Variants in TLN1 observed in about 807,000 individuals in gnomAD.
The protein encoded by TLN1 is talin-1.
Under a neutral mutation model 292.3 loss-of-function variants are expected in TLN1, and 56 were observed. The observed-to-expected ratio is 0.19, with a 90% CI of 0.15 to 0.24. The LOEUF is 0.24. Among genes scored for constraint, TLN1 ranks in the 10% least tolerant of loss-of-function variants. TLN1 has a pLI of 1.00. For missense variants in TLN1, 2,433 were observed against 3,248.2 expected, an observed-to-expected ratio of 0.75 and a Z score of 6.10; for synonymous variants, 1,119 against 1,253.7, an observed-to-expected ratio of 0.89 and a Z score of 2.27.
chr9:35,710,756 T>A, intron 32 of TLN1, 41 bp downstream of exon 32: 2 of 1,613,838 alleles, frequency 1.2e-6, no homozygotes, highest in Non-Finnish European at 1.7e-6. Flanking sequence ...GTTAGCTCCA[T>A]CCTACTGCCC....
In TLN1 at chr9:35,715,143, C is replaced by T; in HGVS notation, c.2670G>A (p.Leu890=). The part of the protein sequence containing the change: ...HPDSEEQQQR[L]REAAEGLRMA... ...TGCGCAGCCCCTCAGCTGCCTCCCG[C>T]AGCCGCTGCTGCTGCTCCTCACTGT... is the stretch of plus-strand genomic sequence containing the variant. Residue 890 remains leucine, a synonymous_variant, in exon 21 of 57, where the codon CTG becomes CTA. Coordinates refer to ENST00000314888, the MANE Select transcript of TLN1 (RefSeq NM_006289.4). The T allele has an allele frequency of 6.2e-7, 1 of 1,613,038 alleles. No homozygotes were observed. The highest frequency in any genetic ancestry group is 8.5e-7 in the Non-Finnish European group (1 of 1,180,038).
Position 35,720,097 on chromosome 9 carries a change from G to C in TLN1, c.1406C>G (p.Pro469Arg). 6.2e-7 allele frequency: 1 copy of C among 1,610,826 alleles called. No homozygotes were observed. The highest frequency in any genetic ancestry group is 8.5e-7 in the Non-Finnish European group (1 of 1,178,476). Residue 469 changes from proline to arginine, a missense_variant, in exon 13 of 57, where the codon CCC becomes CGC. Pro to Arg is a moderately radical substitution (Grantham distance 103). Around this residue, in one of 7 missense-constraint regions of TLN1, gnomAD observed 617 missense variants for 770.6 expected, o/e 0.80. Transcript: ENST00000314888. ...GPENFQVGSM[P>R]PAQQQITSGQ... ...GCTGGTAATCTGCTGCTGGGCAGGG[G>C]GCATGCTGCCCACCTGGAAATTCTC...
At position 35,717,099 on chromosome 9, in the gene TLN1, G is replaced by C. The variant is rs774093666; in HGVS notation, c.2458+47C>G. On this transcript the variant is annotated intron_variant, in intron 19 of 56. Transcript: ENST00000314888. This position sits in a 1 kb window ranked among gnomAD's most constrained non-coding sequence, Gnocchi z 4.7. The stretch of plus-strand genomic sequence containing the variant: ...AAGGGGATGATGTCCAGTGGGCTTA[G>C]GGAACCCTGGTAGGGTTTTTTGTTT... 5 of 1,550,784 alleles carry C rather than the reference G, an allele frequency of 3.2e-6. No homozygotes were observed. The highest frequency in any genetic ancestry group is 1.8e-5 in the Admixed American group (1 of 54,178).
intron 27 of TLN1, 64 bp from the exon 28 acceptor site, chr9:35,712,188 C>A: frequency 2.6e-6 from 4 of 1,551,944 alleles, no homozygotes; most frequent in Non-Finnish European, 3.5e-6. Flanking sequence ...CCTCCATTCA[C>A]GCGACATGGG....
At position 35,706,031 on chromosome 9, in the gene TLN1, G is replaced by A. The variant is rs78358773; in HGVS notation, c.5442C>T (p.Leu1814=). ...TEAVEDLTTT[L]NEAASAAGVV... ...CCCCAGCAGCACTGGCTGCCTCGTT[G>A]AGGGTTGTTGTCAGGTCCTCTACGG... The change falls in exon 41 of 57, where the codon CTC becomes CTT. Residue 1814 remains leucine (L), a synonymous_variant. Transcript: ENST00000314888. This position sits in a 1 kb window ranked among gnomAD's most constrained non-coding sequence, Gnocchi z 4.2. 2.0e-5 allele frequency: 32 copies of A among 1,614,120 alleles called. 1 individual carries two copies. The East Asian group carries it at 6.7e-4, about 34-fold the overall frequency.
In TLN1 at chr9:35,698,695, G is replaced by A; in HGVS notation, c.7126-16C>T. On this transcript the variant is annotated splice_polypyrimidine_tract_variant and intron_variant, in intron 53 of 56. Transcript: ENST00000314888. This position sits in a 1 kb window ranked among gnomAD's most constrained non-coding sequence, Gnocchi z 5.3. ...TGGCACCCACCTGTAGGAAGGAGAA[G>A]AGCCTACTTAGACCTGCATTTTCCT... The A allele has an allele frequency of 1.2e-6, 2 of 1,614,114 alleles. No individual in the cohort carries two copies. The highest frequency in any genetic ancestry group is 1.7e-6 in the Non-Finnish European group (2 of 1,180,016).
At position 35,719,584 on chromosome 9, in the gene TLN1, T is replaced by C; in HGVS notation, c.1622A>G (p.His541Arg). The C allele has an allele frequency of 6.2e-7, 1 of 1,614,202 alleles. No individual in the cohort carries two copies. The highest frequency in any genetic ancestry group is 8.5e-7 in the Non-Finnish European group (1 of 1,180,036). ...WRKNKMDESKHEIHSQVDAIT... is the reference protein window; with the variant it reads ...WRKNKMDESKREIHSQVDAIT... ...GGCATCTACCTGAGAGTGGATCTCA[T>C]GCTTTGATTCATCCATCTTGTTTTT... Residue 541 changes from histidine (H) to arginine (R), a missense_variant, in exon 15 of 57, where the codon CAT becomes CGT. By Grantham distance (29) the His-to-Arg change is conservative. This residue lies in a region of TLN1 where 617 missense variants were observed against 770.6 expected (regional missense o/e 0.80). Transcript: ENST00000314888. This position sits in a 1 kb window ranked among gnomAD's most constrained non-coding sequence, Gnocchi z 4.6.
At chr9:35,709,481 T>C (rs934260904) in intron 33 of TLN1, among the ~76,000 whole-genome samples, 3 of 152,174 alleles carry the variant, frequency 2.0e-5, no homozygotes, top group African/African-American at 7.2e-5. Flanking sequence ...ATTCATATAC[T>C]AAAGCAAAAT....
At chr9:35,720,628 T>TC in intron 11 of TLN1, 119 bp from the exon 12 acceptor site, 1 of 1,132,312 alleles carries the variant, frequency 8.8e-7, no homozygotes, top group Non-Finnish European at 1.3e-6. Flanking sequence ...CATTTCTTTT[T>TC]CTTTTTTTTT....
chr9:35,711,543 C>T, intron 29 of TLN1, 52 bp downstream of exon 29: 1 of 1,611,806 alleles, frequency 6.2e-7, no homozygotes, highest in Non-Finnish European at 8.5e-7. Flanking sequence ...CAACTGCCTC[C>T]TATCTAACCC....
chr9:35,717,707 C>A lies in TLN1; in HGVS notation c.2075G>T (p.Arg692Leu). The A allele has an allele frequency of 1.2e-6, 2 of 1,614,052 alleles. No homozygotes were observed. Among genetic ancestry groups the A allele is most frequent in the Non-Finnish European group, 1.7e-6 (2 of 1,179,976 alleles). Residue 692 changes from arginine (R) to leucine (L), a missense_variant, in exon 18 of 57, where the codon CGG becomes CTG. Transcript: ENST00000314888. The surrounding 1 kb of genome is among the most constrained non-coding windows in gnomAD (Gnocchi z 4.7). ...LVLKAKSVAQ[R>L]TEDSGLQTQV... ...GGTCTGAAGTCCCGAGTCCTCTGTC[C>A]GCTGGGCCACACTCTTGGCCTTGAG...
In TLN1 at chr9:35,722,851, C is replaced by T; in HGVS notation, c.843+10G>A. ...GGTCATCCCAAATACTTTCCCCTAC[C>T]CACATTCACCTGGAAGATCTTACGC... On this transcript the variant is annotated intron_variant, in intron 8 of 56. Transcript: ENST00000314888. The T allele has an allele frequency of 1.2e-6, 2 of 1,613,604 alleles. No individual in the cohort carries two copies. Among genetic ancestry groups the T allele is most frequent in the Non-Finnish European group, 1.7e-6 (2 of 1,179,650 alleles).
rs1825845281 is a variant in TLN1, at chr9:35,719,546, T to A, written c.1660A>T (p.Thr554Ser). The change falls in exon 15 of 57, where the codon ACT becomes TCT. Residue 554 changes from threonine to serine, a missense_variant. By Grantham distance (58) the Thr-to-Ser change is moderately conservative. This residue lies in a region of TLN1 where 617 missense variants were observed against 770.6 expected (regional missense o/e 0.80). Coordinates refer to ENST00000314888, the MANE Select transcript of TLN1 (RefSeq NM_006289.4). This position sits in a 1 kb window ranked among gnomAD's most constrained non-coding sequence, Gnocchi z 4.6. Reference sequence around the variant, plus strand: ...GCTGTCAGGTTCACCACAGACGCAGTACCAGCTGTGATGGCATCTACCTGA... The same window carrying A: ...GCTGTCAGGTTCACCACAGACGCAGAACCAGCTGTGATGGCATCTACCTGA... ...HSQVDAITAG[T>S]ASVVNLTAGD... 11 of 1,614,176 alleles carry A rather than the reference T, an allele frequency of 6.8e-6. No homozygotes were observed. Among genetic ancestry groups the A allele is most frequent in the Non-Finnish European group, 9.3e-6 (11 of 1,180,012 alleles).
At chr9:35,712,761 G>T in intron 27 of TLN1, 74 bp downstream of exon 27, 1 of 1,358,068 alleles carries the variant, frequency 7.4e-7, no homozygotes, top group Non-Finnish European at 1.0e-6. Flanking sequence ...AGGCTCAGAA[G>T]CTTTGGCCTC....
chr9:35,701,054 G>A (rs1825457327), intron 48 of TLN1, among the ~76,000 whole-genome samples: 1 of 152,166 alleles, frequency 6.6e-6, no homozygotes, highest in South Asian at 2.1e-4. Context: ...GGTGGTCAGG[G>A]AAGGGCTCTC....
At chr9:35,730,030 T>C (rs1435392457) in intron 1 of TLN1, among the ~76,000 whole-genome samples, 1 of 128,336 alleles carries the variant, frequency 7.8e-6, no homozygotes. Flanking sequence ...GAAAAATACA[T>C]ATACATAAGA....
rs773845413 is a variant in TLN1, at chr9:35,724,916, C to T, written c.272G>A (p.Arg91His). Residue 91 changes from arginine to histidine, a missense_variant, in exon 4 of 57, where the codon CGT becomes CAT. Coordinates refer to ENST00000314888, the MANE Select transcript of TLN1 (RefSeq NM_006289.4). This position sits in a 1 kb window ranked among gnomAD's most constrained non-coding sequence, Gnocchi z 4.7. ...YRKKQRPLKI[R>H]MLDGTVKTIM... ...CGTCTTCACAGTTCCATCCAGCATACGGATCTTCAGGGGTCTCTGTTTCTT... is the reference window on the plus strand; with the variant it reads ...CGTCTTCACAGTTCCATCCAGCATATGGATCTTCAGGGGTCTCTGTTTCTT... The T allele has an allele frequency of 3.1e-6, 5 of 1,614,162 alleles. No homozygotes were observed. The highest frequency in any genetic ancestry group is 1.1e-5 in the South Asian group (1 of 91,080).
In TLN1 at chr9:35,707,247, C is replaced by A. The variant is rs768688053; in HGVS notation, c.4780G>T (p.Ala1594Ser). 1.2e-6 allele frequency: 2 copies of A among 1,602,172 alleles called. No homozygotes were observed. The highest frequency in any genetic ancestry group is 3.4e-5 in the Admixed American group (2 of 58,876). The stretch of plus-strand genomic sequence containing the variant: ...GAGATCACAATGGGCTCCATGGCAG[C>A]CCGACCCTGGGGAGAGGGGAGGCAG... ...IPAQISPEGRAAMEPIVISAK... is the reference protein window; with the variant it reads ...IPAQISPEGRSAMEPIVISAK... The change falls in exon 37 of 57, where the codon GCT becomes TCT. Residue 1594 changes from alanine (A) to serine (S), a missense_variant. By Grantham distance (99) the Ala-to-Ser change is moderately conservative. This residue lies in a region of TLN1 where 1,384 missense variants were observed against 1,699.6 expected (regional missense o/e 0.81). Coordinates refer to ENST00000314888, the MANE Select transcript of TLN1 (RefSeq NM_006289.4). The surrounding 1 kb of genome is among the most constrained non-coding windows in gnomAD (Gnocchi z 5.6).
Position 35,724,198 on chromosome 9 carries a change from A to G in TLN1, c.648T>C (p.Tyr216=), listed in dbSNP as rs756744554. Residue 216 remains tyrosine, a synonymous_variant, in exon 6 of 57, where the codon TAT becomes TAC. Coordinates refer to ENST00000314888, the MANE Select transcript of TLN1 (RefSeq NM_006289.4). The surrounding 1 kb of genome is among the most constrained non-coding windows in gnomAD (Gnocchi z 4.7). ...AGCCAAGTCCTCTGCATACCTGCAC[A>G]TACAGGAGGTTCAGCTGTACAGGGT... The part of the protein sequence containing the change: ...SRDPVQLNLL[Y]VQARDDILNG... 2 of 1,614,130 alleles carry G rather than the reference A, an allele frequency of 1.2e-6. No homozygotes were observed. Among genetic ancestry groups the G allele is most frequent in the Non-Finnish European group, 1.7e-6 (2 of 1,180,012 alleles).
Sources: allele counts gnomAD v4.1 joint callset (sites outside exome capture counted in the v4.1 genomes callset), GRCh38; gene constraint gnomAD v4.1.1; regional missense constraint gnomAD v4.1.1; non-coding constraint Gnocchi (gnomAD v3.1); transcripts MANE v1.5; gene names NCBI Gene and HGNC (gene_info 2026-07-23, HGNC 2026-07-21).